Variants in IL1RAPL2 observed in about 807,000 individuals in gnomAD.
IL1RAPL2 encodes the protein interleukin 1 receptor accessory protein like 2.
IL1RAPL2 carries 3 observed loss-of-function variants against 44.1 expected under a neutral mutation model. That is an observed-to-expected ratio of 0.07 (90% CI 0.03 to 0.18). IL1RAPL2 has a LOEUF of 0.18. Ranked by LOEUF, IL1RAPL2 falls within the 10% of genes least tolerant of loss-of-function variation. IL1RAPL2 has a pLI of 1.00. For missense variants in IL1RAPL2, 391 were observed against 496.4 expected (o/e 0.79, Z 2.02); for synonymous variants, 181 against 178.8 (o/e 1.01, Z -0.10).
At chrX:105,665,700 T>C (rs1358171971) in intron 6 of IL1RAPL2, among the ~76,000 whole-genome samples, 1 of 109,899 alleles carries the variant, frequency 9.1e-6, no homozygotes, top group Non-Finnish European at 1.9e-5. Flanking sequence ...ATTTATCTTT[T>C]TGTCCTTTCA....
chrX:105,168,718 A>G (rs1406457498), intron 2 of IL1RAPL2, among the ~76,000 whole-genome samples: 1 of 110,549 alleles, frequency 9.0e-6, no homozygotes, highest in African/African-American at 3.3e-5. Flanking sequence ...AAGCAATCAG[A>G]CAAAAGGAAT....
intron 6 of IL1RAPL2, among the ~76,000 whole-genome samples, chrX:105,658,115 G>A (rs1336423243): frequency 9.0e-6 from 1 of 110,843 alleles, no homozygotes; most frequent in Non-Finnish European, 1.9e-5. Context: ...CATTAATAAT[G>A]TATAAGACCC....
intron 2 of IL1RAPL2, among the ~76,000 whole-genome samples, chrX:104,911,785 A>T (rs1194917173): frequency 8.9e-6 from 1 of 111,957 alleles, no homozygotes; most frequent in African/African-American, 3.2e-5. Flanking sequence ...CTCCTTGCTC[A>T]CTGCACTGTA....
In IL1RAPL2 at chrX:105,382,965, G is replaced by A. The variant is rs183255006; in HGVS notation, c.698-101348G>A. On this transcript the variant is annotated intron_variant, in intron 5 of 10. Coordinates refer to ENST00000372582, the MANE Select transcript of IL1RAPL2 (RefSeq NM_017416.2). ...AGGGGAACATCACACACTGGGGCCT[G>A]TTGTGGGGTGGGGGGAGGGGGGAGG... 3.8e-3 allele frequency among the ~76,000 whole-genome samples: 260 copies of A among 69,158 alleles called. 1 individual carries two copies. The highest frequency in any genetic ancestry group is 5.7e-3 in the Non-Finnish European group (228 of 39,783). 60.1% of individuals were successfully genotyped at this position (69,158 alleles called of 115,157 possible).
chrX:104,759,631 C>T (rs1022575213), intron 2 of IL1RAPL2, among the ~76,000 whole-genome samples: 2 of 110,531 alleles, frequency 1.8e-5, no homozygotes, highest in Non-Finnish European at 3.8e-5. Flanking sequence ...TAAGTCAAGC[C>T]AATAGCAGGA....
intron 2 of IL1RAPL2, among the ~76,000 whole-genome samples, chrX:104,946,305 G>A (rs1314867123): frequency 1.2e-5 from 1 of 86,699 alleles, no homozygotes; most frequent in Non-Finnish European, 2.2e-5. Context: ...CCCGGGAAGC[G>A]GAGCTTGCAG....
chrX:105,225,493 GT>G (rs2034004816), intron 3 of IL1RAPL2, among the ~76,000 whole-genome samples: 2 of 110,445 alleles, frequency 1.8e-5, no homozygotes, highest in African/African-American at 3.3e-5. Flanking sequence ...AAGGAAATTA[GT>G]TTTTATTGAG....
intron 2 of IL1RAPL2, among the ~76,000 whole-genome samples, chrX:104,813,794 G>T (rs1254175846): frequency 9.0e-6 from 1 of 111,662 alleles, no homozygotes; most frequent in African/African-American, 3.3e-5. Context: ...AGACTCTCCT[G>T]GTAGGCAAGA....
rs755402610 is a variant in IL1RAPL2, at chrX:105,351,882, A to G, written c.697+84341A>G. 1.7e-4 allele frequency among the ~76,000 whole-genome samples: 19 copies of G among 111,879 alleles called. No individual in the cohort carries two copies. In the East Asian group the frequency reaches 5.1e-3, roughly 30 times the overall value. ...TATTTGTTTATTGTTTTTAATGTCC[A>G]TACTTGGCAAAATGAAGTTGGCAAC... On this transcript the variant is annotated intron_variant, in intron 5 of 10. Transcript: ENST00000372582.
chrX:104,750,877 T>TA (rs1049373074), intron 2 of IL1RAPL2, among the ~76,000 whole-genome samples: 75 of 109,219 alleles, frequency 6.9e-4, no homozygotes, highest in South Asian at 2.7e-3. Flanking sequence ...AAACCCAAAT[T>TA]AAAAAAAAAC....
At chrX:105,371,128 T>G (rs1237586868) in intron 5 of IL1RAPL2, among the ~76,000 whole-genome samples, 2 of 112,432 alleles carry the variant, frequency 1.8e-5, no homozygotes, top group African/African-American at 6.5e-5. Flanking sequence ...ATTCTGGACA[T>G]TAGACCTTTG....
chrX:105,675,316 T>A (rs1485853792), intron 6 of IL1RAPL2, among the ~76,000 whole-genome samples: 2 of 111,563 alleles, frequency 1.8e-5, no homozygotes, highest in African/African-American at 6.5e-5. Flanking sequence ...GTGGCTCTTA[T>A]GATTTTGAAG....
chrX:105,605,886 G>T (rs1473459860), intron 6 of IL1RAPL2, among the ~76,000 whole-genome samples: 1 of 111,432 alleles, frequency 9.0e-6, no homozygotes, highest in Non-Finnish European at 1.9e-5. Context: ...TGGAAAAACT[G>T]TATATTCATA....
chrX:105,150,299 C>T lies in IL1RAPL2; in HGVS notation c.83-45176C>T, dbSNP rs748197072. Among the ~76,000 whole-genome samples the T allele has an allele frequency of 6.3e-5, 7 of 111,736 alleles. No individual in the cohort carries two copies. In the East Asian group the frequency reaches 1.1e-3, roughly 18 times the overall value. Reference sequence around the variant, plus strand: ...CCAGTGAGGTGGAGTGATAGCAAAGCGGAGCAACCTCTACTTTCAAGGTCC... The same window carrying T: ...CCAGTGAGGTGGAGTGATAGCAAAGTGGAGCAACCTCTACTTTCAAGGTCC... On this transcript the variant is annotated intron_variant, in intron 2 of 10. Transcript: ENST00000372582.
At chrX:104,606,122 A>G (rs1929004738) in intron 1 of IL1RAPL2, among the ~76,000 whole-genome samples, 2 of 112,175 alleles carry the variant, frequency 1.8e-5, no homozygotes, top group Admixed American at 9.5e-5. Flanking sequence ...CTTATCCAAC[A>G]TGTTCAAGTG....
chrX:104,740,416 T>C (rs953614750), intron 2 of IL1RAPL2, among the ~76,000 whole-genome samples: 11 of 111,235 alleles, frequency 9.9e-5, no homozygotes, highest in African/African-American at 3.3e-4. Flanking sequence ...TGTTGTCTGT[T>C]ATATTAGTGT....
chrX:104,719,406 T>G, intron 2 of IL1RAPL2, among the ~76,000 whole-genome samples: 1 of 112,124 alleles, frequency 8.9e-6, no homozygotes, highest in African/African-American at 3.2e-5. Context: ...GTCCCCTGGC[T>G]GGCCAACATT....
intron 2 of IL1RAPL2, among the ~76,000 whole-genome samples, chrX:104,841,122 A>G (rs147889857): frequency 4.0e-3 from 447 of 112,080 alleles, no homozygotes; most frequent in African/African-American, 0.014. Context: ...TGTTGCATTG[A>G]TGCCTTTACA....
chrX:105,151,700 A>G (rs2033229389), intron 2 of IL1RAPL2, among the ~76,000 whole-genome samples: 1 of 110,202 alleles, frequency 9.1e-6, no homozygotes, highest in South Asian at 3.9e-4. Context: ...ATGTTGTTTC[A>G]ACATAGGCTT....
Sources: gnomAD v4.1 joint callset for allele counts (sites outside exome capture counted in the v4.1 genomes callset) on GRCh38, gnomAD v4.1.1 for gene constraint, MANE v1.5 for transcripts, NCBI Gene and HGNC (gene_info 2026-07-23, HGNC 2026-07-21) for gene names.